Variants in TMEM64 observed in about 807,000 individuals in gnomAD.
The protein encoded by TMEM64 is transmembrane protein 64.
A neutral mutation model predicts 24.5 loss-of-function variants in TMEM64; 19 were observed. That is an observed-to-expected ratio of 0.78 (90% CI 0.54 to 1.14). The LOEUF is 1.14. TMEM64 is among the 50% of genes most tolerant of loss of function. The pLI is 0.00. For synonymous variants in TMEM64, 262 were observed against 224.7 expected, an observed-to-expected ratio of 1.17 and a Z score of -1.49; for missense variants, 487 against 493.0, an observed-to-expected ratio of 0.99 and a Z score of 0.12.
At chr8:90,630,360 G>C (rs1326013303) in intron 2 of TMEM64, among the ~76,000 whole-genome samples, 1 of 151,440 alleles carries the variant, frequency 6.6e-6, no homozygotes, top group Non-Finnish European at 1.5e-5. Context: ...AAATATTTTT[G>C]ATCTGTAGTT....
chr8:90,642,371 T>C (rs1402926129), intron 1 of TMEM64, among the ~76,000 whole-genome samples: 1 of 152,054 alleles, frequency 6.6e-6, no homozygotes, highest in African/African-American at 2.4e-5. Context: ...CAGATGAATT[T>C]CTCTAATTAT....
At position 90,645,097 on chromosome 8, in the gene TMEM64, G is replaced by C; in HGVS notation, c.795+14C>G. 6.3e-7 allele frequency: 1 copy of C among 1,591,474 alleles called. No individual in the cohort carries two copies. The highest frequency in any genetic ancestry group is 1.1e-5 in the South Asian group (1 of 88,098). ...CAGACTTGGAGAGGGATAGGCCAGC[G>C]GGACCCCACTTACCGAAAACACTGC... On this transcript the variant is annotated intron_variant, in intron 1 of 2. Transcript: ENST00000458549. This position sits in a 1 kb window ranked among gnomAD's most constrained non-coding sequence, Gnocchi z 4.2.
intron 2 of TMEM64, among the ~76,000 whole-genome samples, chr8:90,627,543 T>C (rs1260854889): frequency 6.6e-6 from 1 of 152,098 alleles, no homozygotes; most frequent in African/African-American, 2.4e-5. Flanking sequence ...GCCTCTTAGA[T>C]ATCCAAAAAA....
chr8:90,644,974 A>G, intron 1 of TMEM64, 137 bp downstream of exon 1: 1 of 955,096 alleles, frequency 1.0e-6, no homozygotes, highest in South Asian at 1.6e-5. Flanking sequence ...CCAGGCTGCG[A>G]TGGAAAGTAA....
intron 1 of TMEM64, among the ~76,000 whole-genome samples, chr8:90,643,635 C>T (rs1185196049): frequency 6.6e-6 from 1 of 152,232 alleles, no homozygotes; most frequent in African/African-American, 2.4e-5. Context: ...TATTGAAACA[C>T]AAACTAACAG....
At chr8:90,642,304 T>A (rs1809615718) in intron 1 of TMEM64, among the ~76,000 whole-genome samples, 1 of 152,210 alleles carries the variant, frequency 6.6e-6, no homozygotes, top group Non-Finnish European at 1.5e-5. Flanking sequence ...CAGGATCATC[T>A]ATTTCCAAAG....
At position 90,623,612 on chromosome 8, in the gene TMEM64, A is replaced by T. The variant is rs2130490941; in HGVS notation, c.*2059T>A. On this transcript the variant is annotated 3_prime_UTR_variant, in exon 3 of 3. Coordinates refer to ENST00000458549, the MANE Select transcript of TMEM64 (RefSeq NM_001008495.4). The stretch of plus-strand genomic sequence containing the variant: ...CAGAATACAGAAAATTATTTCTTTT[A>T]CCTTTACATATTTATTGTTAAGTAC... 6.5e-6 allele frequency: 1 copy of T among 152,694 alleles called. No individual in the cohort carries two copies. Among genetic ancestry groups the T allele is most frequent in the Admixed American group, 6.5e-5 (1 of 15,286 alleles). The allele number at this position is 152,694 out of a possible 1,614,324, so 9.5% of individuals were successfully genotyped here.
In TMEM64 at chr8:90,626,780, G is replaced by C. The variant is rs556460634; in HGVS notation, c.952-918C>G. Among the ~76,000 whole-genome samples, 3 of 151,718 alleles carry C rather than the reference G, an allele frequency of 2.0e-5. No individual in the cohort carries two copies. The South Asian group carries it at 6.2e-4, about 32-fold the overall frequency. On this transcript the variant is annotated intron_variant, in intron 2 of 2. Coordinates refer to ENST00000458549, the MANE Select transcript of TMEM64 (RefSeq NM_001008495.4). ...TGAGTAGCTGGGATTACATGCATGC[G>C]CCCCACGCCTGGCTAATTTTTGTAT...
intron 1 of TMEM64, among the ~76,000 whole-genome samples, chr8:90,639,641 TA>T (rs1395405256): frequency 6.6e-6 from 1 of 152,200 alleles, no homozygotes. Context: ...GTAATACACG[TA>T]ATAACAAGAT....
chr8:90,633,454 C>T (rs1341741749), intron 1 of TMEM64, among the ~76,000 whole-genome samples: 1 of 151,960 alleles, frequency 6.6e-6, no homozygotes, highest in Non-Finnish European at 1.5e-5. Flanking sequence ...AATTCCTGAC[C>T]CAGAGAAATT....
intron 1 of TMEM64, among the ~76,000 whole-genome samples, chr8:90,640,453 A>T (rs1809588454): frequency 1.3e-5 from 2 of 152,210 alleles, no homozygotes; most frequent in Admixed American, 1.3e-4. Context: ...GTTGCTCAGA[A>T]CATTTGTCTT....
chr8:90,635,785 A>G (rs1287522279), intron 1 of TMEM64, among the ~76,000 whole-genome samples: 1 of 152,246 alleles, frequency 6.6e-6, no homozygotes, highest in Non-Finnish European at 1.5e-5. Context: ...ATTGCAGTTA[A>G]TAACAAAACA....
In TMEM64 at chr8:90,622,754, T is replaced by C. The variant is rs1213305763; in HGVS notation, c.*2917A>G. ...TCACAAGAAAAATGTTTTATAGTCA[T>C]ATACTTGACCCTATCAGGGAAAAGC... On this transcript the variant is annotated 3_prime_UTR_variant, in exon 3 of 3. Transcript: ENST00000458549. 4 of 152,192 alleles carry C rather than the reference T, an allele frequency of 2.6e-5. No homozygotes were observed. Among genetic ancestry groups the C allele is most frequent in the African/African-American group, 9.7e-5 (4 of 41,436 alleles). The allele number at this position is 152,192 out of a possible 1,614,324, so 9.4% of individuals were successfully genotyped here.
Position 90,625,218 on chromosome 8 carries a change from C to T in TMEM64, c.*453G>A, listed in dbSNP as rs1262589529. On this transcript the variant is annotated 3_prime_UTR_variant, in exon 3 of 3. Transcript: ENST00000458549. ...ATAAAACAAAACAAAACAAAAACCA[C>T]TGTTTATCCTTTCTGGAAAGACTAC... The T allele has an allele frequency of 6.6e-6, 1 of 152,516 alleles. No homozygotes were observed. The highest frequency in any genetic ancestry group is 2.4e-5 in the African/African-American group (1 of 41,448). 9.4% of individuals were successfully genotyped at this position (152,516 alleles called of 1,614,324 possible).
intron 2 of TMEM64, among the ~76,000 whole-genome samples, chr8:90,626,099 A>G (rs560765820): frequency 2.0e-5 from 3 of 152,334 alleles, no homozygotes; most frequent in East Asian, 1.9e-4. Flanking sequence ...TATTAGGAAA[A>G]CACACATTCC....
Position 90,645,808 on chromosome 8 carries a change from A to C in TMEM64, c.98T>G (p.Leu33Arg). 9.7e-7 allele frequency: 1 copy of C among 1,035,406 alleles called. No individual in the cohort carries two copies. The highest frequency in any genetic ancestry group is 1.7e-5 in the African/African-American group (1 of 58,080). The allele number at this position is 1,035,406 out of a possible 1,614,324, so 64.1% of individuals were successfully genotyped here. A position where few individuals can be genotyped will look rare whatever the true frequency, so the allele number is the denominator to read the frequency against. ...GCCGTCCCCGCCCGCACCCCGCGGCAGGGCCCAGCGGGCCGGCAGCTCGGC... is the reference window on the plus strand; with the variant it reads ...GCCGTCCCCGCCCGCACCCCGCGGCCGGGCCCAGCGGGCCGGCAGCTCGGC... ...GLAELPARWA[L>R]PRGAGGDGPA... The change falls in exon 1 of 3, where the codon CTG (leucine) becomes CGG (arginine). Residue 33 changes from leucine to arginine, a missense_variant. By Grantham distance (102) the Leu-to-Arg change is moderately radical. Transcript: ENST00000458549. This position sits in a 1 kb window ranked among gnomAD's most constrained non-coding sequence, Gnocchi z 4.2.
chr8:90,641,876 CTA>C (rs1394916458), intron 1 of TMEM64, among the ~76,000 whole-genome samples: 1 of 152,144 alleles, frequency 6.6e-6, no homozygotes, highest in Non-Finnish European at 1.5e-5. Flanking sequence ...AATGAGCAAA[CTA>C]TATATTTTAT....
intron 1 of TMEM64, among the ~76,000 whole-genome samples, chr8:90,639,407 C>T (rs1273336323): frequency 6.6e-6 from 1 of 151,914 alleles, no homozygotes; most frequent in Non-Finnish European, 1.5e-5. Context: ...GGCCTTGAAT[C>T]TTCTCTCAAG....
Position 90,633,244 on chromosome 8 carries a change from C to T in TMEM64, c.796-1537G>A, listed in dbSNP as rs114749171. ...GTAAGCTGCCATGCTCTAAGTAGCTCCCATGGAGAGACCCAATGTGGCAAG... is the reference window on the plus strand; with the variant it reads ...GTAAGCTGCCATGCTCTAAGTAGCTTCCATGGAGAGACCCAATGTGGCAAG... On this transcript the variant is annotated intron_variant, in intron 1 of 2. Transcript: ENST00000458549. Among the ~76,000 whole-genome samples the T allele has an allele frequency of 8.5e-3, 1,293 of 152,304 alleles. 17 individuals carry two copies. Among genetic ancestry groups the T allele is most frequent in the African/African-American group, 0.029 (1,204 of 41,564 alleles).
Sources: gnomAD v4.1 joint callset for allele counts (sites outside exome capture counted in the v4.1 genomes callset) on GRCh38, gnomAD v4.1.1 for gene constraint, Gnocchi (gnomAD v3.1) non-coding constraint, MANE v1.5 for transcripts, NCBI Gene and HGNC (gene_info 2026-07-23, HGNC 2026-07-21) for gene names.